The following UBE2E2 variants were observed in gnomAD, a reference collection of about 807,000 sequenced individuals.
UBE2E2 encodes ubiquitin-conjugating enzyme E2 E2.
In UBE2E2, 6 loss-of-function variants were observed where a neutral mutation model predicts 24.7. The ratio of observed to expected loss-of-function variants is 0.24; its 90% CI spans 0.13 to 0.48. UBE2E2 has a LOEUF of 0.48. UBE2E2 is among the 20% of genes least tolerant of loss of function. UBE2E2 has a pLI of 0.99. For missense variants in UBE2E2, 169 were observed against 245.0 expected (o/e 0.69, Z 2.07); for synonymous variants, 104 against 83.6 (o/e 1.24, Z -1.33).
rs1696217145 is a variant in UBE2E2 at position 23,571,280 on chromosome 3, C to CTCTTTTTTTTTTT, written c.509-18453_509-18452insCTTTTTTTTTTTT. On this transcript the variant is annotated intron_variant, in intron 5 of 5. Coordinates refer to ENST00000396703, the MANE Select transcript of UBE2E2 (RefSeq NM_152653.4). ...AGTCCCCTCACCTGTGTGCTCCTTTCTTTTTTTTTTTTTTTTTTTTTTTTT... is the reference window on the plus strand; with the variant it reads ...AGTCCCCTCACCTGTGTGCTCCTTTCTCTTTTTTTTTTTTTTTTTTTTTTTTTTTTTTTTTTTT... Among the ~76,000 whole-genome samples, 17 of 29,882 alleles carry CTCTTTTTTTTTTT rather than the reference C, an allele frequency of 5.7e-4. 1 individual carries two copies. The highest frequency in any genetic ancestry group is 1.7e-3 in the African/African-American group (17 of 9,720). 19.6% of individuals were successfully genotyped at this position (29,882 alleles called of 152,430 possible). A position where few individuals can be genotyped will look rare whatever the true frequency, so the allele number is the denominator to read the frequency against.
chr3:23,415,043 A>G (rs1358217744), intron 3 of UBE2E2, among the ~76,000 whole-genome samples: 2 of 152,246 alleles, frequency 1.3e-5, no homozygotes, highest in Non-Finnish European at 2.9e-5. Flanking sequence ...GTGTGAAGCT[A>G]CTGGACTTGC....
chr3:23,569,410 G>A (rs779790660), intron 5 of UBE2E2, among the ~76,000 whole-genome samples: 2 of 152,134 alleles, frequency 1.3e-5, no homozygotes, highest in Non-Finnish European at 2.9e-5. Context: ...TGTGGTAATG[G>A]TTGCCCAATC....
At chr3:23,265,288 G>C (rs1181750761) in intron 3 of UBE2E2, among the ~76,000 whole-genome samples, 1 of 152,172 alleles carries the variant, frequency 6.6e-6, no homozygotes, top group African/African-American at 2.4e-5. Context: ...AGGGTGGCAA[G>C]TGGATCATCT....
At chr3:23,405,575 A>AAGT (rs1697336693) in intron 3 of UBE2E2, among the ~76,000 whole-genome samples, 1 of 152,140 alleles carries the variant, frequency 6.6e-6, no homozygotes. Flanking sequence ...GAATTCTAAA[A>AAGT]AGTCACTCAA....
intron 3 of UBE2E2, among the ~76,000 whole-genome samples, chr3:23,449,125 C>T (rs1223057990): frequency 6.6e-6 from 1 of 152,166 alleles, no homozygotes; most frequent in East Asian, 1.9e-4. Flanking sequence ...ACTCTTATGG[C>T]ATTACAGAAC....
chr3:23,507,907 T>G (rs59012069), intron 4 of UBE2E2, among the ~76,000 whole-genome samples: 33,790 of 152,160 alleles, frequency 0.22, 3,852 homozygotes, highest in African/African-American at 0.27. Context: ...TTTTCTTCAA[T>G]ATGTTTCTAA....
intron 3 of UBE2E2, among the ~76,000 whole-genome samples, chr3:23,381,164 T>A (rs1380656002): frequency 2.6e-5 from 4 of 152,220 alleles, no homozygotes; most frequent in Non-Finnish European, 5.9e-5. Flanking sequence ...GTTTTTATTT[T>A]CCCACAGTAT....
chr3:23,589,834 G>T lies in UBE2E2; in HGVS notation c.*3G>T. ...GGACCAAGCGGTACGCCACATAGGG[G>T]CCTGCTGCCTGCCGCCCCGCGGGAC... On this transcript the variant is annotated 3_prime_UTR_variant, in exon 6 of 6. Coordinates refer to ENST00000396703, the MANE Select transcript of UBE2E2 (RefSeq NM_152653.4). The surrounding 1 kb of genome is among the most constrained non-coding windows in gnomAD (Gnocchi z 4.1). 1 of 1,614,056 alleles carries T rather than the reference G, an allele frequency of 6.2e-7. No individual in the cohort carries two copies. Among genetic ancestry groups the T allele is most frequent in the East Asian group, 2.2e-5 (1 of 44,888 alleles).
chr3:23,268,987 A>G (rs2125360750), intron 3 of UBE2E2, among the ~76,000 whole-genome samples: 1 of 152,028 alleles, frequency 6.6e-6, no homozygotes, highest in East Asian at 1.9e-4. Flanking sequence ...TGCTGGGAAA[A>G]CTGGCTAGCC....
rs1022138048 is a variant in UBE2E2, at chr3:23,260,083, G to A, written c.227+42771G>A. Among the ~76,000 whole-genome samples, 3 of 152,274 alleles carry A rather than the reference G, an allele frequency of 2.0e-5. No individual in the cohort carries two copies. In the East Asian group the frequency reaches 5.8e-4, roughly 29 times the overall value. On this transcript the variant is annotated intron_variant, in intron 3 of 5. Transcript: ENST00000396703. ...TTTGATTCATCACAATGGTGTCCTA[G>A]ATGTGTATACAACATTGTTGGGTTA...
At chr3:23,511,245 T>A (rs1704759286) in intron 4 of UBE2E2, among the ~76,000 whole-genome samples, 1 of 152,198 alleles carries the variant, frequency 6.6e-6, no homozygotes, top group African/African-American at 2.4e-5. Flanking sequence ...ATCTCCCCTG[T>A]CCCTCATTGT....
chr3:23,540,273 C>T (rs1695360213), intron 5 of UBE2E2, among the ~76,000 whole-genome samples: 1 of 152,128 alleles, frequency 6.6e-6, no homozygotes, highest in Non-Finnish European at 1.5e-5. Context: ...TAGTAAATGT[C>T]AGAACAGGTT....
intron 3 of UBE2E2, among the ~76,000 whole-genome samples, chr3:23,315,353 G>T (rs1332148280): frequency 1.4e-5 from 2 of 147,572 alleles, no homozygotes; most frequent in East Asian, 4.0e-4. Context: ...TTTTCAAATA[G>T]CCTGTCTTCA....
chr3:23,363,804 C>T (rs1399060870), intron 3 of UBE2E2, among the ~76,000 whole-genome samples: 1 of 151,954 alleles, frequency 6.6e-6, no homozygotes, highest in Non-Finnish European at 1.5e-5. Flanking sequence ...GCCTAGTAGA[C>T]ATCTACAGAA....
In UBE2E2 at chr3:23,407,273, A is replaced by T. The variant is rs1008449698; in HGVS notation, c.228-92335A>T. Among the ~76,000 whole-genome samples, 2 of 151,820 alleles carry T rather than the reference A, an allele frequency of 1.3e-5. No individual in the cohort carries two copies. The highest frequency in any genetic ancestry group is 4.8e-5 in the African/African-American group (2 of 41,310). On this transcript the variant is annotated intron_variant, in intron 3 of 5. Transcript: ENST00000396703. This position sits in a 1 kb window ranked among gnomAD's most constrained non-coding sequence, Gnocchi z 4.0. The stretch of plus-strand genomic sequence containing the variant: ...CATTTTTTTTCTGGAAAGAATAAAA[A>T]GATTCAGATGACATCTGAGACAACC...
At chr3:23,422,991 T>C (rs559188137) in intron 3 of UBE2E2, among the ~76,000 whole-genome samples, 2 of 152,340 alleles carry the variant, frequency 1.3e-5, no homozygotes, top group East Asian at 3.9e-4. Context: ...AAAGTCAGTA[T>C]GTAAAGTCAG....
chr3:23,382,192 T>TA (rs1696687377), intron 3 of UBE2E2, among the ~76,000 whole-genome samples: 1 of 146,970 alleles, frequency 6.8e-6, no homozygotes, highest in South Asian at 2.2e-4. Flanking sequence ...TTTTTTTTTT[T>TA]TTTTTTTGAG....
At chr3:23,509,437 TTAGA>T (rs1282860602) in intron 4 of UBE2E2, among the ~76,000 whole-genome samples, 3 of 152,208 alleles carry the variant, frequency 2.0e-5, no homozygotes, top group Non-Finnish European at 4.4e-5. Context: ...TGTTACTTGC[TTAGA>T]TAGTTATTTG....
At chr3:23,428,620 A>T (rs1697984113) in intron 3 of UBE2E2, among the ~76,000 whole-genome samples, 1 of 152,142 alleles carries the variant, frequency 6.6e-6, no homozygotes, top group African/African-American at 2.4e-5. Context: ...CTTTGAAAAC[A>T]TCAATAAAAT....
Sources: allele counts gnomAD v4.1 joint callset (sites outside exome capture counted in the v4.1 genomes callset), GRCh38; gene constraint gnomAD v4.1.1; non-coding constraint Gnocchi (gnomAD v3.1); transcripts MANE v1.5; gene names NCBI Gene and HGNC (gene_info 2026-07-23, HGNC 2026-07-21).